The following IL15 variants were observed in gnomAD, a reference collection of about 807,000 sequenced individuals.
The protein encoded by IL15 is interleukin 15, also known as interleukin-15.
In IL15, 11 loss-of-function variants were observed where a neutral mutation model predicts 19.6. The observed-to-expected ratio is 0.56, with a 90% CI of 0.35 to 0.93. The LOEUF is 0.93. Among genes scored for constraint, IL15 ranks in the 40% least tolerant of loss-of-function variants. The pLI is 0.01. For missense variants in IL15, 197 were observed against 186.5 expected, an observed-to-expected ratio of 1.06 and a Z score of -0.33; for synonymous variants, 58 against 59.6, an observed-to-expected ratio of 0.97 and a Z score of 0.12.
At position 141,669,250 on chromosome 4, in the gene IL15, G is replaced by T. The variant is rs113357414; in HGVS notation, c.-100+12943G>T. ...GAAAAATGTAAAGTTGGAAATGCAG[G>T]TGCCTAATTAAGTGAGACTTTGAAA... On this transcript the variant is annotated intron_variant, in intron 2 of 7. Transcript: ENST00000320650. Among the ~76,000 whole-genome samples, 728 of 152,156 alleles carry T rather than the reference G, an allele frequency of 4.8e-3. 15 individuals carry two copies. The highest frequency in any genetic ancestry group is 0.017 in the African/African-American group (704 of 41,470).
chr4:141,652,585 A>G (rs1222971747), intron 1 of IL15, among the ~76,000 whole-genome samples: 3 of 152,170 alleles, frequency 2.0e-5, no homozygotes, highest in Non-Finnish European at 2.9e-5. Context: ...CAGAGATCCA[A>G]TGCTCAGGCT....
rs377694864 is a variant in IL15, at chr4:141,705,980, A to G, written c.-99-13386A>G. On this transcript the variant is annotated intron_variant, in intron 2 of 7. Transcript: ENST00000320650. ...TCTGTGTTATGCTTGTTGGCAGCAT[A>G]TAGTTGGTTCCTTTTAAAAATTCAT... Among the ~76,000 whole-genome samples the G allele has an allele frequency of 1.2e-4, 18 of 151,948 alleles. No homozygotes were observed. In the East Asian group the frequency reaches 3.1e-3, roughly 26 times the overall value.
chr4:141,709,798 G>A (rs1489362295), intron 2 of IL15, among the ~76,000 whole-genome samples: 2 of 152,068 alleles, frequency 1.3e-5, no homozygotes, highest in African/African-American at 2.4e-5. Context: ...GGTTCAGGGT[G>A]TATATGTGCA....
At chr4:141,727,916 T>C (rs1234405006) in intron 5 of IL15, 24 bp from the exon 6 acceptor site, 1 of 988,978 alleles carries the variant, frequency 1.0e-6, no homozygotes, top group Non-Finnish European at 1.6e-6. Context: ...GTTTTTAATA[T>C]TGTCTAATTT....
intron 2 of IL15, among the ~76,000 whole-genome samples, chr4:141,669,470 G>A (rs929992339): frequency 6.6e-6 from 1 of 152,162 alleles, no homozygotes; most frequent in Non-Finnish European, 1.5e-5. Flanking sequence ...AATAGCAGTG[G>A]TGATAAAAGA....
intron 1 of IL15, among the ~76,000 whole-genome samples, chr4:141,645,562 C>T (rs541279965): frequency 2.0e-5 from 3 of 152,282 alleles, no homozygotes; most frequent in South Asian, 4.1e-4. Flanking sequence ...CCTTGCCTCT[C>T]TCCAGGTGTC....
intron 2 of IL15, among the ~76,000 whole-genome samples, chr4:141,701,128 T>C (rs1719147455): frequency 6.6e-6 from 1 of 152,172 alleles, no homozygotes; most frequent in Non-Finnish European, 1.5e-5. Flanking sequence ...TTCAGAGATT[T>C]CTTGGTTTGG....
Position 141,654,777 on chromosome 4 carries a change from C to T in IL15, c.-221-1409C>T, listed in dbSNP as rs543737962. Among the ~76,000 whole-genome samples, 412 of 152,244 alleles carry T rather than the reference C, an allele frequency of 2.7e-3. 2 individuals are homozygous for T. The highest frequency in any genetic ancestry group is 9.4e-3 in the African/African-American group (392 of 41,550). ...GGGGCAGACTCTTGGGGCGAAGGTG[C>T]ATAAGAGCTGAATTAGAGCTTTTTA... is the stretch of plus-strand genomic sequence containing the variant. On this transcript the variant is annotated intron_variant, in intron 1 of 7. Transcript: ENST00000320650.
At chr4:141,727,045 AG>A in intron 5 of IL15, among the ~76,000 whole-genome samples, 1 of 152,266 alleles carries the variant, frequency 6.6e-6, no homozygotes, top group South Asian at 2.1e-4. Flanking sequence ...AGTGGTTGCT[AG>A]GGGTTTGGAG....
At chr4:141,721,198 A>G (rs774550150) in intron 4 of IL15, 3 of 904,042 alleles carry the variant, frequency 3.3e-6, no homozygotes, top group Non-Finnish European at 5.4e-6. Flanking sequence ...ATCATAAGAC[A>G]GATTAGTGTT....
intron 2 of IL15, among the ~76,000 whole-genome samples, chr4:141,700,286 C>A (rs1376140131): frequency 6.6e-6 from 1 of 152,112 alleles, no homozygotes; most frequent in Non-Finnish European, 1.5e-5. Context: ...TTTAGAACTT[C>A]TTTTAGGATT....
Position 141,697,659 on chromosome 4 carries a change from G to A in IL15, c.-99-21707G>A, listed in dbSNP as rs557684780. On this transcript the variant is annotated intron_variant, in intron 2 of 7. Coordinates refer to ENST00000320650, the MANE Select transcript of IL15 (RefSeq NM_000585.5). Reference sequence around the variant, plus strand: ...ATCCATGAGCATGGGACCTGTTTCCGTTTGTTTGTGTCATCTATATTTCTT... The same window carrying A: ...ATCCATGAGCATGGGACCTGTTTCCATTTGTTTGTGTCATCTATATTTCTT... Among the ~76,000 whole-genome samples the A allele has an allele frequency of 4.6e-5, 7 of 152,014 alleles. No individual in the cohort carries two copies. The East Asian group carries it at 9.7e-4, about 21-fold the overall frequency.
At chr4:141,701,591 T>C (rs1477994755) in intron 2 of IL15, among the ~76,000 whole-genome samples, 1 of 152,196 alleles carries the variant, frequency 6.6e-6, no homozygotes, top group African/African-American at 2.4e-5. Flanking sequence ...GAGTTGATGA[T>C]TCAGGCTTCA....
chr4:141,711,432 T>C (rs1211406357), intron 2 of IL15, among the ~76,000 whole-genome samples: 1 of 152,124 alleles, frequency 6.6e-6, no homozygotes, highest in Non-Finnish European at 1.5e-5. Flanking sequence ...TTAGGGAAGC[T>C]AGTGCAGCTA....
chr4:141,724,572 C>T (rs1730197067), intron 5 of IL15, among the ~76,000 whole-genome samples: 1 of 53,320 alleles, frequency 1.9e-5, no homozygotes. Flanking sequence ...CTTTAATTGA[C>T]AGAAATAAGA....
intron 2 of IL15, among the ~76,000 whole-genome samples, chr4:141,693,868 G>A (rs1729007070): frequency 6.6e-6 from 1 of 152,196 alleles, no homozygotes; most frequent in Non-Finnish European, 1.5e-5. Flanking sequence ...TTTTTTGATT[G>A]TACTGAAGAC....
intron 2 of IL15, among the ~76,000 whole-genome samples, chr4:141,658,491 C>T (rs866990179): frequency 7.2e-5 from 11 of 152,068 alleles, no homozygotes; most frequent in South Asian, 2.1e-4. Flanking sequence ...CATTATGGGG[C>T]GTGTGACTTT....
At chr4:141,669,262 G>A (rs1728092973) in intron 2 of IL15, among the ~76,000 whole-genome samples, 1 of 152,210 alleles carries the variant, frequency 6.6e-6, no homozygotes, top group Non-Finnish European at 1.5e-5. Flanking sequence ...GCCTAATTAA[G>A]TGAGACTTTG....
At chr4:141,706,974 A>T (rs1271204315) in intron 2 of IL15, among the ~76,000 whole-genome samples, 2 of 152,142 alleles carry the variant, frequency 1.3e-5, no homozygotes, top group African/African-American at 4.8e-5. Context: ...GCCTAAAGCT[A>T]TTATTTCTTA....
Sources: gnomAD v4.1 joint callset for allele counts (sites outside exome capture counted in the v4.1 genomes callset) on GRCh38, gnomAD v4.1.1 for gene constraint, MANE v1.5 for transcripts, NCBI Gene and HGNC (gene_info 2026-07-23, HGNC 2026-07-21) for gene names.